Variants in PFKFB2 observed in about 807,000 individuals in gnomAD.
PFKFB2 encodes 6-phosphofructo-2-kinase/fructose-2,6-biphosphatase 2.
A neutral mutation model predicts 68.0 loss-of-function variants in PFKFB2; 53 were observed. The ratio of observed to expected loss-of-function variants is 0.78; its 90% confidence interval spans 0.63 to 0.98. PFKFB2 has a LOEUF of 0.98. PFKFB2 is among the 50% of genes least tolerant of loss of function. PFKFB2 has a pLI of 0.00. For missense variants in PFKFB2, 451 were observed against 642.0 expected, an observed-to-expected ratio of 0.70 and a Z score of 3.22; for synonymous variants, 222 against 227.6, an observed-to-expected ratio of 0.98 and a Z score of 0.22.
chr1:207,051,017 G>C, upstream of PFKFB2: 1 of 1,516,650 alleles, frequency 6.6e-7, no homozygotes, highest in Non-Finnish European at 8.8e-7. Flanking sequence ...GCGACCTTTA[G>C]CGGGGCCAAA....
In PFKFB2 at chr1:207,074,952, G is replaced by A. The variant is rs934725268; in HGVS notation, c.*2581G>A. 6.1e-6 allele frequency: 6 copies of A among 985,330 alleles called. No individual in the cohort carries two copies. Among genetic ancestry groups the A allele is most frequent in the South Asian group, 9.4e-5 (2 of 21,290 alleles). 61.0% of individuals were successfully genotyped at this position (985,330 alleles called of 1,614,324 possible). ...GAGAATGAGATATGGTTGGGGAGGC[G>A]TGTTTGGCACTTTTACAAGGTTGCA... On this transcript the variant is annotated 3_prime_UTR_variant, in exon 15 of 15. Transcript: ENST00000367080.
Position 207,075,857 on chromosome 1 carries a change from T to G in PFKFB2, c.*3486T>G, listed in dbSNP as rs1038899018. 1.6e-5 allele frequency: 16 copies of G among 983,934 alleles called. No homozygotes were observed. The African/African-American group carries it at 2.8e-4, about 17-fold the overall frequency. The allele number at this position is 983,934 out of a possible 1,614,324, so 61.0% of individuals were successfully genotyped here. A position where few individuals can be genotyped will look rare whatever the true frequency, so the allele number is the denominator to read the frequency against. On this transcript the variant is annotated 3_prime_UTR_variant, in exon 15 of 15. Coordinates refer to ENST00000367080, the MANE Select transcript of PFKFB2 (RefSeq NM_006212.2). ...TTTGAAAGAGAATTCTAAAGCAGAT[T>G]TAGAGAACCTGCTTCTCTTCTTATC...
intron 8 of PFKFB2, among the ~76,000 whole-genome samples, chr1:207,066,552 A>G (rs548123396): frequency 6.6e-6 from 1 of 152,370 alleles, no homozygotes; most frequent in Admixed American, 6.5e-5. Context: ...CTACATATAT[A>G]TACATGTGTA....
rs1268675948 is a variant in PFKFB2, at chr1:207,063,700, A to G, written c.451-73A>G. On this transcript the variant is annotated intron_variant, in intron 6 of 14. Coordinates refer to ENST00000367080, the MANE Select transcript of PFKFB2 (RefSeq NM_006212.2). This position sits in a 1 kb window ranked among gnomAD's most constrained non-coding sequence, Gnocchi z 4.1. ...GGGAGATGTGGTGGCTGGGTGGGGT[A>G]GATGAGCATGTGCTCTTAATTAACA... 4.1e-6 allele frequency: 5 copies of G among 1,224,426 alleles called. No individual in the cohort carries two copies. Among genetic ancestry groups the G allele is most frequent in the Non-Finnish European group, 6.1e-6 (5 of 824,642 alleles). 75.8% of individuals were successfully genotyped at this position (1,224,426 alleles called of 1,614,324 possible).
At chr1:207,053,641 A>G (rs1338974379) in intron 1 of PFKFB2, among the ~76,000 whole-genome samples, 1 of 152,118 alleles carries the variant, frequency 6.6e-6, no homozygotes, top group Admixed American at 6.5e-5. Context: ...TTCCCACTCC[A>G]GTTTGAATCA....
rs1683604618 is a variant in PFKFB2, at chr1:207,075,712, C to T, written c.*3341C>T. On this transcript the variant is annotated 3_prime_UTR_variant, in exon 15 of 15. Transcript: ENST00000367080. Reference sequence around the variant, plus strand: ...GCTGAGGCAGGAGAATCACTTGAGACCAGCCTGGGCAATATAGTGAGACCT... The same window carrying T: ...GCTGAGGCAGGAGAATCACTTGAGATCAGCCTGGGCAATATAGTGAGACCT... 1 of 966,510 alleles carries T rather than the reference C, an allele frequency of 1.0e-6. No homozygotes were observed. The highest frequency in any genetic ancestry group is 1.2e-6 in the Non-Finnish European group (1 of 812,662). The allele number at this position is 966,510 out of a possible 1,614,324, so 59.9% of individuals were successfully genotyped here.
upstream of PFKFB2, chr1:207,048,911 G>A (rs1202538159): frequency 1.2e-5 from 12 of 998,516 alleles, no homozygotes; most frequent in Non-Finnish European, 1.8e-5. Context: ...TTAAAAGGAT[G>A]GTTCAAGCAT....
Position 207,070,738 on chromosome 1 carries a change from T to C in PFKFB2, c.1222+329T>C. On this transcript the variant is annotated intron_variant, in intron 12 of 14. Transcript: ENST00000367080. The surrounding 1 kb of genome is among the most constrained non-coding windows in gnomAD (Gnocchi z 4.2). ...GCCACGCTGCCTACTAGGAGGGTGG[T>C]ATCTTAGGAGCAGCAGTTGTTTCTG... is the stretch of plus-strand genomic sequence containing the variant. 1 of 302,896 alleles carries C rather than the reference T, an allele frequency of 3.3e-6. No homozygotes were observed. The highest frequency in any genetic ancestry group is 6.3e-6 in the Non-Finnish European group (1 of 158,556). The allele number at this position is 302,896 out of a possible 1,614,324, so 18.8% of individuals were successfully genotyped here.
downstream of PFKFB2, chr1:207,079,141 A>G: frequency 1.2e-6 from 1 of 801,932 alleles, no homozygotes; most frequent in East Asian, 2.5e-5. Context: ...GGGGCCACCA[A>G]AACGAGGCCT....
chr1:207,049,588 C>G, upstream of PFKFB2: 1 of 1,614,122 alleles, frequency 6.2e-7, no homozygotes, highest in South Asian at 1.1e-5. Context: ...AGTAAAGAGG[C>G]AAGAGTTGTC....
rs776623505 is a variant in PFKFB2, at chr1:207,070,539, G to A, written c.1222+130G>A. ...TAGAGTACTTTCTCCAGACAGCAGT[G>A]TGGGGCTCCCAGCAGCCACTGAGTC... On this transcript the variant is annotated intron_variant, in intron 12 of 14. Coordinates refer to ENST00000367080, the MANE Select transcript of PFKFB2 (RefSeq NM_006212.2). This position sits in a 1 kb window ranked among gnomAD's most constrained non-coding sequence, Gnocchi z 4.2. The A allele has an allele frequency of 7.1e-6, 7 of 981,252 alleles. No homozygotes were observed. The highest frequency in any genetic ancestry group is 1.0e-5 in the Non-Finnish European group (7 of 678,662). 60.8% of individuals were successfully genotyped at this position (981,252 alleles called of 1,614,324 possible). A position where few individuals can be genotyped will look rare whatever the true frequency, so the allele number is the denominator to read the frequency against.
At chr1:207,078,686 G>A (rs775042055), downstream of PFKFB2, among the ~76,000 whole-genome samples, 16 of 152,162 alleles carry the variant, frequency 1.1e-4, no homozygotes, top group Non-Finnish European at 2.2e-4. Flanking sequence ...CATATCTTGG[G>A]TATGTAGCTT....
At chr1:207,065,531 T>C (rs903701816) in intron 8 of PFKFB2, among the ~76,000 whole-genome samples, 6 of 151,454 alleles carry the variant, frequency 4.0e-5, no homozygotes, top group Non-Finnish European at 7.4e-5. Flanking sequence ...TTTTTTTTTT[T>C]AGTAAAGATA....
At chr1:207,045,597 CAAA>C (rs60778314) in intron 2 of PFKFB2, 2 of 134,156 alleles carry the variant, frequency 1.5e-5, no homozygotes, top group Non-Finnish European at 1.6e-5. Context: ...CCTGATTTGT[CAAA>C]AAAAAAAAAA....
At chr1:207,066,132 G>T (rs1389526939) in intron 8 of PFKFB2, among the ~76,000 whole-genome samples, 1 of 152,146 alleles carries the variant, frequency 6.6e-6, no homozygotes, top group Non-Finnish European at 1.5e-5. Flanking sequence ...AGAAATGTCT[G>T]ATCAATGCCA....
intron 8 of PFKFB2, among the ~76,000 whole-genome samples, chr1:207,066,716 G>A (rs1201452120): frequency 2.0e-5 from 3 of 152,010 alleles, no homozygotes; most frequent in African/African-American, 4.8e-5. Flanking sequence ...GCAGTGGCAC[G>A]ATCTCGGCTC....
rs559422094 is a variant in PFKFB2 at position 207,073,934 on chromosome 1, T to G, written c.*1563T>G. 5 of 985,350 alleles carry G rather than the reference T, an allele frequency of 5.1e-6. No homozygotes were observed. In the East Asian group the frequency reaches 5.7e-4, roughly 112 times the overall value. The allele number at this position is 985,350 out of a possible 1,614,324, so 61.0% of individuals were successfully genotyped here. A position where few individuals can be genotyped will look rare whatever the true frequency, so the allele number is the denominator to read the frequency against. On this transcript the variant is annotated 3_prime_UTR_variant, in exon 15 of 15. Coordinates refer to ENST00000367080, the MANE Select transcript of PFKFB2 (RefSeq NM_006212.2). ...CTGCTGGTCTTTTAGAGGTAACCAGTGAGAAGGAGTTAGCTATTTTCCAAG... is the reference window on the plus strand; with the variant it reads ...CTGCTGGTCTTTTAGAGGTAACCAGGGAGAAGGAGTTAGCTATTTTCCAAG...
rs1209505494 is a variant in PFKFB2, at chr1:207,061,157, ATATATCTT to A, written c.86-790_86-783del. On this transcript the variant is annotated intron_variant, in intron 2 of 14. Transcript: ENST00000367080. Reference sequence around the variant, plus strand: ...TATATATATCTTTATATATATTTATATATATCTTTATATATATATATATATATATATAT... The same window carrying A: ...TATATATATCTTTATATATATTTATATATATATATATATATATATATATAT... Among the ~76,000 whole-genome samples, 102 of 64,430 alleles carry A rather than the reference ATATATCTT, an allele frequency of 1.6e-3. 1 individual carries two copies. The highest frequency in any genetic ancestry group is 2.8e-3 in the African/African-American group (34 of 12,198). The allele number at this position is 64,430 out of a possible 152,430, so 42.3% of individuals were successfully genotyped here.
chr1:207,039,989 T>C (rs1682446823), intron 1 of PFKFB2, among the ~76,000 whole-genome samples: 3 of 152,158 alleles, frequency 2.0e-5, no homozygotes, highest in Admixed American at 2.0e-4. Flanking sequence ...GAGTTCAGGG[T>C]CCACCAATTA....
Sources: allele counts gnomAD v4.1 joint callset (sites outside exome capture counted in the v4.1 genomes callset), GRCh38; gene constraint gnomAD v4.1.1; non-coding constraint Gnocchi (gnomAD v3.1); transcripts MANE v1.5; gene names NCBI Gene and HGNC (gene_info 2026-07-23, HGNC 2026-07-21).